The following TENM3 variants were observed in gnomAD, a reference collection of about 807,000 sequenced individuals.
The protein encoded by TENM3 is teneurin transmembrane protein 3.
A neutral mutation model predicts 255.1 loss-of-function variants in TENM3; 63 were observed. That is an observed-to-expected ratio of 0.25 (90% CI 0.20 to 0.30). TENM3 has a LOEUF of 0.30. Ranked by LOEUF, TENM3 falls within the 10% of genes least tolerant of loss-of-function variation. TENM3 has a pLI of 1.00. For synonymous variants in TENM3, 1,306 were observed against 1,322.3 expected (o/e 0.99, Z 0.27); for missense variants, 2,929 against 3,461.1 (o/e 0.85, Z 3.86).
chr4:181,612,490 A>ATGTGTGTGTGTGTG, the TENM3 span, among the ~76,000 whole-genome samples: 961 of 148,434 alleles, frequency 6.5e-3, 5 homozygotes, highest in South Asian at 0.034. Flanking sequence ...TTTGGTTAAG[A>ATGTGTGTGTGTGTG]TGTGTGTGTG....
At chr4:181,736,208 G>A in the TENM3 span, among the ~76,000 whole-genome samples, 1 of 152,176 alleles carries the variant, frequency 6.6e-6, no homozygotes, top group East Asian at 1.9e-4. Flanking sequence ...TGAGGCAGGA[G>A]AACTGCTTGT....
chr4:182,131,369 A>G, the TENM3 span, among the ~76,000 whole-genome samples: 9 of 152,348 alleles, frequency 5.9e-5, 1 homozygote, highest in Admixed American at 4.6e-4. Context: ...AGCTCAGGTC[A>G]TAGTTCATTT....
chr4:182,064,346 A>G, the TENM3 span, among the ~76,000 whole-genome samples: 1 of 152,142 alleles, frequency 6.6e-6, no homozygotes, highest in Non-Finnish European at 1.5e-5. Context: ...TGGGAGGCTG[A>G]GAAGGGCGGA....
rs1561154378 is a variant in TENM3, at chr4:182,161,923, A to ATATATACACACATATATGTG, written c.-76+17175_-76+17176insCACACATATATGTGTATATA. Among the ~76,000 whole-genome samples, 61 of 10,686 alleles carry ATATATACACACATATATGTG rather than the reference A, an allele frequency of 5.7e-3. 7 individuals are homozygous for ATATATACACACATATATGTG. Among genetic ancestry groups the ATATATACACACATATATGTG allele is most frequent in the African/African-American group, 0.011 (57 of 5,230 alleles). The allele number at this position is 10,686 out of a possible 152,430, so 7.0% of individuals were successfully genotyped here. On this transcript the variant is annotated intron_variant, in intron 1 of 2. Transcript: ENST00000512480. ...TATATATACACACACATGTATGTGT[A>ATATATACACACATATATGTG]TATATATACACATATATATATTTGT...
the TENM3 span, among the ~76,000 whole-genome samples, chr4:181,939,516 C>T: frequency 6.6e-6 from 1 of 152,202 alleles, no homozygotes; most frequent in African/African-American, 2.4e-5. Flanking sequence ...GCCTGTGAAC[C>T]TTGGAGAGAG....
At chr4:182,453,947 C>G (rs1462408284) in intron 3 of TENM3, among the ~76,000 whole-genome samples, 1 of 152,158 alleles carries the variant, frequency 6.6e-6, no homozygotes, top group African/African-American at 2.4e-5. Context: ...GCGGAGTAGA[C>G]ACCTGGCTGA....
intron 2 of TENM3, among the ~76,000 whole-genome samples, chr4:182,326,968 G>C (rs1276992666): frequency 2.0e-5 from 3 of 152,212 alleles, no homozygotes; most frequent in Non-Finnish European, 2.9e-5. Context: ...CGAGTGTGAG[G>C]GTGGCGTTGC....
intron 3 of TENM3, 77 bp downstream of exon 3, chr4:182,347,006 G>A (rs1561348398): frequency 9.0e-7 from 1 of 1,107,194 alleles, no homozygotes; most frequent in East Asian, 2.8e-5. Context: ...GGGGGGGGAT[G>A]TTTTTCTTTC....
intron 3 of TENM3, among the ~76,000 whole-genome samples, chr4:182,507,840 T>A (rs1300875589): frequency 6.6e-6 from 1 of 152,214 alleles, no homozygotes; most frequent in African/African-American, 2.4e-5. Flanking sequence ...GACCTTAGAA[T>A]ATTAATATCC....
chr4:182,084,524 G>A, the TENM3 span, among the ~76,000 whole-genome samples: 2 of 151,976 alleles, frequency 1.3e-5, no homozygotes, highest in Non-Finnish European at 2.9e-5. Context: ...CCCACTAATT[G>A]GCTAAAATAT....
the TENM3 span, among the ~76,000 whole-genome samples, chr4:181,754,538 T>C: frequency 6.6e-6 from 1 of 152,014 alleles, no homozygotes; most frequent in Non-Finnish European, 1.5e-5. Flanking sequence ...ATATCTCAAA[T>C]GGTAAAGAAG....
At chr4:181,954,710 T>C in the TENM3 span, among the ~76,000 whole-genome samples, 13 of 152,222 alleles carry the variant, frequency 8.5e-5, no homozygotes, top group Non-Finnish European at 1.3e-4. Flanking sequence ...TTCTAACGAA[T>C]GTCAATTTTG....
intron 2 of TENM3, among the ~76,000 whole-genome samples, chr4:182,342,713 G>C (rs966328334): frequency 6.6e-6 from 1 of 152,120 alleles, no homozygotes; most frequent in African/African-American, 2.4e-5. Context: ...GCCAAATCTA[G>C]ATATTAGAGA....
At chr4:181,553,499 G>C in the TENM3 span, among the ~76,000 whole-genome samples, 93 of 151,512 alleles carry the variant, frequency 6.1e-4, no homozygotes, top group East Asian at 9.8e-4. Context: ...TGGAGTGCAG[G>C]GGCGCGATCT....
chr4:182,694,300 G>A (rs1579134398), intron 12 of TENM3, among the ~76,000 whole-genome samples: 1 of 151,878 alleles, frequency 6.6e-6, no homozygotes, highest in Admixed American at 6.6e-5. Flanking sequence ...TGTGGAGAAG[G>A]GGTTTCTTCA....
At chr4:182,614,338 T>TC in intron 4 of TENM3, among the ~76,000 whole-genome samples, 1 of 152,256 alleles carries the variant, frequency 6.6e-6, no homozygotes, top group South Asian at 2.1e-4. Flanking sequence ...TCAATCCATT[T>TC]TGAACAAAAT....
chr4:182,758,657 T>TAAAA, intron 22 of TENM3, among the ~76,000 whole-genome samples: 1 of 152,318 alleles, frequency 6.6e-6, no homozygotes. Context: ...CCTTCATTTT[T>TAAAA]AGAGTACCAT....
chr4:182,388,028 G>A (rs932185217), intron 3 of TENM3, among the ~76,000 whole-genome samples: 1 of 151,684 alleles, frequency 6.6e-6, no homozygotes, highest in East Asian at 1.9e-4. Context: ...AAACGTGTAA[G>A]CATGTATCTG....
At chr4:181,693,507 G>A in the TENM3 span, among the ~76,000 whole-genome samples, 1 of 152,194 alleles carries the variant, frequency 6.6e-6, no homozygotes, top group African/African-American at 2.4e-5. Flanking sequence ...TCCAGGAAGA[G>A]TGCAGTTATG....
Sources: allele counts gnomAD v4.1 joint callset (sites outside exome capture counted in the v4.1 genomes callset), GRCh38; gene constraint gnomAD v4.1.1; transcripts MANE v1.5; gene names NCBI Gene and HGNC (gene_info 2026-07-23, HGNC 2026-07-21).